The following CSMD1 variants were observed in gnomAD, a reference collection of about 807,000 sequenced individuals.
The protein encoded by CSMD1 is CUB and sushi domain-containing protein 1.
CSMD1 carries 213 observed loss-of-function variants against 417.5 expected under a neutral mutation model. The ratio of observed to expected loss-of-function variants is 0.51; its 90% confidence interval spans 0.46 to 0.57. The LOEUF is 0.57. Ranked by LOEUF, CSMD1 falls within the 20% of genes least tolerant of loss-of-function variation. The pLI, the probability that CSMD1 is intolerant of heterozygous loss-of-function variation, is 0.00. For missense variants in CSMD1, 6,923 were observed against 4,529.7 expected, an observed-to-expected ratio of 1.53 and a Z score of -15.17; for synonymous variants, 2,862 against 1,736.8, an observed-to-expected ratio of 1.65 and a Z score of -16.11.
intron 40 of CSMD1, among the ~76,000 whole-genome samples, chr8:3,146,012 C>G (rs1247918016): frequency 2.6e-5 from 4 of 152,174 alleles, no homozygotes; most frequent in Admixed American, 2.6e-4. Flanking sequence ...AATATTACTT[C>G]CTCTGTTTTG....
chr8:4,601,813 T>C (rs1800601140), intron 2 of CSMD1, among the ~76,000 whole-genome samples: 1 of 152,200 alleles, frequency 6.6e-6, no homozygotes, highest in Non-Finnish European at 1.5e-5. Flanking sequence ...TATCCATGTC[T>C]GAGCATGTCT....
At chr8:3,383,942 C>T (rs1810799639) in intron 18 of CSMD1, among the ~76,000 whole-genome samples, 1 of 152,246 alleles carries the variant, frequency 6.6e-6, no homozygotes, top group East Asian at 1.9e-4. Flanking sequence ...ACCCCACAGA[C>T]TTAAGGTTGC....
chr8:4,899,399 T>C (rs1804717186), intron 1 of CSMD1, among the ~76,000 whole-genome samples: 2 of 152,214 alleles, frequency 1.3e-5, no homozygotes, highest in African/African-American at 2.4e-5. Context: ...TTTGGAAGGA[T>C]ATAAACATAC....
At chr8:4,503,201 C>T (rs1802348250) in intron 2 of CSMD1, among the ~76,000 whole-genome samples, 1 of 152,090 alleles carries the variant, frequency 6.6e-6, no homozygotes, top group South Asian at 2.1e-4. Context: ...CAGGTAATTC[C>T]TCTTGTACTG....
At chr8:3,262,543 A>G (rs1049854053) in intron 26 of CSMD1, among the ~76,000 whole-genome samples, 1 of 152,000 alleles carries the variant, frequency 6.6e-6, no homozygotes. Context: ...CCAAATGAAA[A>G]AAAAAAGAAA....
intron 1 of CSMD1, among the ~76,000 whole-genome samples, chr8:4,655,545 C>T (rs993030774): frequency 2.0e-5 from 3 of 152,088 alleles, no homozygotes; most frequent in Non-Finnish European, 4.4e-5. Flanking sequence ...CTTCCACTGA[C>T]ATTTTAAGAG....
At position 3,409,565 on chromosome 8, in the gene CSMD1, G is replaced by A; in HGVS notation, c.1602C>T (p.Ala534=). The part of the protein sequence containing the change: ...KGGCGDPGIP[A]YGKRTGSSFL... Reference sequence around the variant, plus strand: ...AACTGCTGCCCGTCCGCTTCCCATAGGCGGGGATTCCAGGATCCCCACACC... The same window carrying A: ...AACTGCTGCCCGTCCGCTTCCCATAAGCGGGGATTCCAGGATCCCCACACC... The change falls in exon 13 of 70, where the codon GCC becomes GCT. Residue 534 remains alanine (A), a synonymous_variant. Coordinates refer to ENST00000635120, the MANE Select transcript of CSMD1 (RefSeq NM_033225.6). The A allele has an allele frequency of 1.2e-6, 2 of 1,609,142 alleles. No individual in the cohort carries two copies. The highest frequency in any genetic ancestry group is 1.1e-5 in the South Asian group (1 of 89,988).
chr8:3,141,478 G>A (rs756245049), intron 41 of CSMD1, among the ~76,000 whole-genome samples: 3 of 152,146 alleles, frequency 2.0e-5, no homozygotes, highest in Non-Finnish European at 2.9e-5. Context: ...TGTCTTTGCA[G>A]GACTAACAAA....
At chr8:3,055,522 G>A (rs1454582672) in intron 49 of CSMD1, among the ~76,000 whole-genome samples, 5 of 152,130 alleles carry the variant, frequency 3.3e-5, no homozygotes, top group South Asian at 2.1e-4. Flanking sequence ...CTCAAGTTTA[G>A]TATTCATTCA....
At chr8:3,553,354 T>C (rs1331738247) in intron 10 of CSMD1, among the ~76,000 whole-genome samples, 2 of 152,236 alleles carry the variant, frequency 1.3e-5, no homozygotes, top group East Asian at 3.8e-4. Flanking sequence ...AGTCATTAAC[T>C]GCCTTTTTTA....
intron 5 of CSMD1, among the ~76,000 whole-genome samples, chr8:3,859,946 A>G (rs2930353): frequency 0.39 from 59,453 of 151,958 alleles, 12,128 homozygotes; most frequent in African/African-American, 0.49. Context: ...CTTTTCATGA[A>G]TTCCATGAGT....
At chr8:3,779,161 G>GTA (rs1799045998) in intron 5 of CSMD1, among the ~76,000 whole-genome samples, 1 of 149,804 alleles carries the variant, frequency 6.7e-6, no homozygotes, top group African/African-American at 2.5e-5. Context: ...GTGTGTGTGT[G>GTA]TGTGTGTGTG....
At chr8:3,740,944 A>G (rs2720837) in intron 6 of CSMD1, among the ~76,000 whole-genome samples, 142,974 of 152,020 alleles carry the variant, frequency 0.94, 67,922 homozygotes, top group East Asian at 1. Context: ...GGCCAGGGGT[A>G]GTGGCTCACA....
intron 10 of CSMD1, among the ~76,000 whole-genome samples, chr8:3,566,422 T>G (rs1174829302): frequency 6.6e-6 from 1 of 152,048 alleles, no homozygotes; most frequent in African/African-American, 2.4e-5. Context: ...ATCCCTTCAC[T>G]CTAGGCACCA....
chr8:3,775,142 G>C lies in CSMD1; in HGVS notation c.819-21100C>G, dbSNP rs184075703. Among the ~76,000 whole-genome samples, 6 of 152,322 alleles carry C rather than the reference G, an allele frequency of 3.9e-5. No individual in the cohort carries two copies. In the East Asian group the frequency reaches 9.6e-4, roughly 24 times the overall value. ...TTGACCGTAGGTAACTGAAACTGCA[G>C]ATAAGGAGGAACTACTGTATTTCTT... On this transcript the variant is annotated intron_variant, in intron 5 of 69. Transcript: ENST00000635120.
chr8:3,690,600 G>C (rs1020205732), intron 7 of CSMD1, among the ~76,000 whole-genome samples: 3 of 152,130 alleles, frequency 2.0e-5, no homozygotes, highest in Non-Finnish European at 4.4e-5. Flanking sequence ...TGATTCAACG[G>C]TACTGTGATG....
In CSMD1 at chr8:4,994,473, C is replaced by T; in HGVS notation, c.-57G>A. ...GATGGCTCCTCCGAGGAAGGCAGGG[C>T]TATGAGCGGAGCCAAATAATCACCC... On this transcript the variant is annotated 5_prime_UTR_variant, in exon 1 of 70. It removes the in-frame stop codon of an upstream open reading frame in the 5' UTR. Transcript: ENST00000635120. 1 of 1,498,500 alleles carries T rather than the reference C, an allele frequency of 6.7e-7. No individual in the cohort carries two copies. The highest frequency in any genetic ancestry group is 1.1e-5 in the South Asian group (1 of 87,438). 92.8% of individuals were successfully genotyped at this position (1,498,500 alleles called of 1,614,324 possible). A position where few individuals can be genotyped will look rare whatever the true frequency, so the allele number is the denominator to read the frequency against.
At chr8:3,859,293 T>G (rs1008796813) in intron 5 of CSMD1, among the ~76,000 whole-genome samples, 2 of 152,238 alleles carry the variant, frequency 1.3e-5, no homozygotes, top group Non-Finnish European at 1.5e-5. Flanking sequence ...CTTCAACACC[T>G]ATCCATGGCA....
chr8:3,096,784 C>T, intron 47 of CSMD1, 65 bp downstream of exon 47: 4 of 1,034,412 alleles, frequency 3.9e-6, no homozygotes, highest in Admixed American at 2.8e-5. Context: ...GTTACTAAAA[C>T]ATTGTAATAG....
Sources: allele counts gnomAD v4.1 joint callset (sites outside exome capture counted in the v4.1 genomes callset), GRCh38; gene constraint gnomAD v4.1.1; transcripts MANE v1.5; gene names NCBI Gene and HGNC (gene_info 2026-07-23, HGNC 2026-07-21).